Variants in TMEM41B observed in about 807,000 individuals in gnomAD.
The protein encoded by TMEM41B is transmembrane protein 41B.
In TMEM41B, 18 loss-of-function variants were observed where a neutral mutation model predicts 31.9. That is an observed-to-expected ratio of 0.56 (90% confidence interval 0.39 to 0.84). TMEM41B has a LOEUF of 0.84. TMEM41B is among the 40% of genes least tolerant of loss of function. The pLI, the probability that TMEM41B is intolerant of heterozygous loss-of-function variation, is 0.00. For synonymous variants in TMEM41B, 144 were observed against 124.3 expected (o/e 1.16, Z -1.05); for missense variants, 322 against 348.0 (o/e 0.93, Z 0.59).
intron 3 of TMEM41B, 32 bp downstream of exon 3, chr11:9,295,227 A>G: frequency 6.8e-7 from 1 of 1,479,772 alleles, no homozygotes; most frequent in Middle Eastern, 2.4e-4. Context: ...CTTGAACAAA[A>G]TTAGAAAACA....
intron 1 of TMEM41B, among the ~76,000 whole-genome samples, chr11:9,305,513 T>C (rs1853367778): frequency 1.3e-5 from 2 of 152,132 alleles, no homozygotes; most frequent in African/African-American, 2.4e-5. Flanking sequence ...GGCACAAGAA[T>C]TGCTGGAACC....
chr11:9,314,409 C>T lies in TMEM41B; in HGVS notation c.33G>A (p.Gln11=), dbSNP rs1853641512. Reference sequence around the variant, plus strand: ...CGGGGGTCGTGTGGTGAGCGCCCAACTGCGATCGTTCGGCGACTCTGCCTT... The same window carrying T: ...CGGGGGTCGTGTGGTGAGCGCCCAATTGCGATCGTTCGGCGACTCTGCCTT... MAKGRVAERS[Q]LGAHHTTPVG... The change falls in exon 1 of 7, where the codon CAG becomes CAA. Residue 11 remains glutamine (Q), a synonymous_variant. Transcript: ENST00000528080. 2.6e-6 allele frequency: 4 copies of T among 1,566,644 alleles called. No homozygotes were observed. The highest frequency in any genetic ancestry group is 3.5e-6 in the Non-Finnish European group (4 of 1,155,600).
chr11:9,298,610 AC>A (rs1289946132), intron 2 of TMEM41B, among the ~76,000 whole-genome samples: 14 of 152,074 alleles, frequency 9.2e-5, no homozygotes, highest in African/African-American at 3.1e-4. Flanking sequence ...TACTAAAAAT[AC>A]AAAAATTAGC....
chr11:9,290,997 T>C (rs901209949), intron 3 of TMEM41B, among the ~76,000 whole-genome samples: 1 of 151,988 alleles, frequency 6.6e-6, no homozygotes, highest in Non-Finnish European at 1.5e-5. Flanking sequence ...ATGCCTGTAA[T>C]GCCAGGTACT....
chr11:9,306,599 C>T (rs139964872), intron 1 of TMEM41B, among the ~76,000 whole-genome samples: 1 of 151,960 alleles, frequency 6.6e-6, no homozygotes, highest in African/African-American at 2.4e-5. Context: ...GGCAGGAAAT[C>T]GGCATTAACC....
At chr11:9,306,831 T>C (rs1853410567) in intron 1 of TMEM41B, among the ~76,000 whole-genome samples, 1 of 152,248 alleles carries the variant, frequency 6.6e-6, no homozygotes, top group South Asian at 2.1e-4. Flanking sequence ...TTTAAGCCTT[T>C]GATTTTACCT....
intron 3 of TMEM41B, among the ~76,000 whole-genome samples, chr11:9,292,413 C>T (rs1564961897): frequency 2.6e-5 from 4 of 152,054 alleles, no homozygotes. Context: ...TACTATGAAA[C>T]ATAAAGTAAA....
chr11:9,289,320 ATT>A lies in TMEM41B; in HGVS notation c.369-787_369-786del, dbSNP rs11333738. 3.9e-3 allele frequency among the ~76,000 whole-genome samples: 578 copies of A among 146,966 alleles called. 1 individual carries two copies. Among genetic ancestry groups the A allele is most frequent in the Admixed American group, 4.2e-3 (62 of 14,698 alleles). On this transcript the variant is annotated intron_variant, in intron 3 of 6. Coordinates refer to ENST00000528080, the MANE Select transcript of TMEM41B (RefSeq NM_015012.4). The stretch of plus-strand genomic sequence containing the variant: ...GCCACAAATCTTGTTTTTAAAATAG[ATT>A]TTTTTTTTTTTTTACTTTCCTGTCG...
In TMEM41B at chr11:9,283,169, C is replaced by T. The variant is rs1338305467; in HGVS notation, c.*255G>A. 1 of 279,524 alleles carries T rather than the reference C, an allele frequency of 3.6e-6. No individual in the cohort carries two copies. The highest frequency in any genetic ancestry group is 2.2e-5 in the African/African-American group (1 of 45,214). The allele number at this position is 279,524 out of a possible 1,614,324, so 17.3% of individuals were successfully genotyped here. On this transcript the variant is annotated 3_prime_UTR_variant, in exon 7 of 7. Coordinates refer to ENST00000528080, the MANE Select transcript of TMEM41B (RefSeq NM_015012.4). ...CACACTACTATTATCTACAGCTACC[C>T]TTGGTATAATAATTTATAAGATGTC...
At chr11:9,292,663 G>A (rs1000066226) in intron 3 of TMEM41B, among the ~76,000 whole-genome samples, 4 of 151,828 alleles carry the variant, frequency 2.6e-5, no homozygotes, top group East Asian at 2.0e-4. Flanking sequence ...AAATCCCATC[G>A]CTACAAAAAA....
chr11:9,295,371 T>C lies in TMEM41B; in HGVS notation c.256A>G (p.Met86Val), dbSNP rs1382721321. The change falls in exon 3 of 7, where the codon ATG (methionine) becomes GTG (valine). Residue 86 changes from methionine to valine, a missense_variant. By Grantham distance (21) the Met-to-Val change is conservative (BLOSUM62 1). Around this residue, in one of 3 missense-constraint regions of TMEM41B, gnomAD observed 183 missense variants for 175.3 expected, o/e 1.04. Coordinates refer to ENST00000528080, the MANE Select transcript of TMEM41B (RefSeq NM_015012.4). ...TCATCCATATCTCTGGGAACCTTCA[T>C]ATTCACTCTTTCTTCTCTGAAGAAA... is the stretch of plus-strand genomic sequence containing the variant. ...PQLSEEERVN[M>V]KVPRDMDDAK... The C allele has an allele frequency of 1.0e-5, 16 of 1,583,018 alleles. No individual in the cohort carries two copies. The highest frequency in any genetic ancestry group is 1.4e-5 in the African/African-American group (1 of 73,598).
intron 1 of TMEM41B, among the ~76,000 whole-genome samples, chr11:9,309,246 C>CAA (rs11390351): frequency 1.0e-4 from 15 of 149,950 alleles, no homozygotes; most frequent in Admixed American, 2.0e-4. Context: ...AACTCCATTT[C>CAA]AAAAAAAAAG....
At chr11:9,314,290 AC>A in intron 1 of TMEM41B, 30 bp downstream of exon 1, 3 of 1,559,156 alleles carry the variant, frequency 1.9e-6, no homozygotes, top group South Asian at 1.1e-5. Context: ...GCCTCGGGCC[AC>A]CCCCAGCTCT....
chr11:9,292,791 A>C (rs11042271), intron 3 of TMEM41B, among the ~76,000 whole-genome samples: 1 of 152,044 alleles, frequency 6.6e-6, no homozygotes, highest in South Asian at 2.1e-4. Flanking sequence ...GAGCCACCAC[A>C]CCCGGCCCTG....
At chr11:9,299,796 G>T in intron 1 of TMEM41B, 95 bp from the exon 2 acceptor site, 1 of 942,544 alleles carries the variant, frequency 1.1e-6, no homozygotes, top group Non-Finnish European at 1.7e-6. Context: ...AAAATGGCGT[G>T]TGCTTTTGCC....
intron 2 of TMEM41B, among the ~76,000 whole-genome samples, chr11:9,298,791 T>C (rs1377832287): frequency 1.4e-5 from 2 of 141,448 alleles, no homozygotes; most frequent in Non-Finnish European, 3.1e-5. Flanking sequence ...AAAAAAAAAA[T>C]TGTGAAGGAA....
At position 9,299,701 on chromosome 11, in the gene TMEM41B, T is replaced by C; in HGVS notation, c.122A>G (p.Glu41Gly). ...TGATCCAGCTTCTACCCAGGATTTT[T>C]CTGGAAGAAAAAAGAAAGTATAATT... ...AAPGSRDHQK[E>G]KSWVEAGSAR... is the part of the protein sequence containing the mutation. The change falls in exon 2 of 7, where the codon GAA (glutamate) becomes GGA (glycine). Residue 41 changes from glutamate to glycine, a missense_variant and splice_region_variant. Glu to Gly is a moderately conservative substitution (Grantham distance 98). Coordinates refer to ENST00000528080, the MANE Select transcript of TMEM41B (RefSeq NM_015012.4). 2 of 1,591,980 alleles carry C rather than the reference T, an allele frequency of 1.3e-6. No individual in the cohort carries two copies. The highest frequency in any genetic ancestry group is 1.7e-6 in the Non-Finnish European group (2 of 1,168,630).
chr11:9,285,235 C>A (rs1470380719), intron 6 of TMEM41B, among the ~76,000 whole-genome samples: 1 of 152,114 alleles, frequency 6.6e-6, no homozygotes, highest in Non-Finnish European at 1.5e-5. Flanking sequence ...CAGGCACCTG[C>A]CACCACATTC....
intron 6 of TMEM41B, among the ~76,000 whole-genome samples, chr11:9,285,379 G>A (rs919975358): frequency 3.3e-5 from 5 of 151,980 alleles, no homozygotes; most frequent in African/African-American, 4.8e-5. Context: ...CACCGCGCCC[G>A]GCTAATTTTT....
Sources: gnomAD v4.1 joint callset for allele counts (sites outside exome capture counted in the v4.1 genomes callset) on GRCh38, gnomAD v4.1.1 for gene constraint, gnomAD v4.1.1 regional missense constraint, MANE v1.5 for transcripts, NCBI Gene and HGNC (gene_info 2026-07-23, HGNC 2026-07-21) for gene names.